Variants in HIVEP1 observed in about 807,000 individuals in gnomAD.
HIVEP1 encodes HIVEP zinc finger 1, also known as zinc finger protein 40.
HIVEP1 carries 36 observed loss-of-function variants against 180.0 expected under a neutral mutation model. The observed-to-expected ratio is 0.20, with a 90% CI of 0.15 to 0.26. The LOEUF (loss-of-function observed/expected upper bound fraction) is 0.26, where lower values mean the gene tolerates loss of function less well. Among genes scored for constraint, HIVEP1 ranks in the 10% least tolerant of loss-of-function variants. The probability of loss-of-function intolerance (pLI) is 1.00; values close to 1 mark genes in which losing one functional copy is unlikely to be tolerated. For missense variants in HIVEP1, 3,143 were observed against 3,268.7 expected (o/e 0.96, Z 0.94); for synonymous variants, 1,239 against 1,239.0 (o/e 1.00, Z 0.00).
chr6:12,021,406 C>T (rs1190511793), intron 2 of HIVEP1, among the ~76,000 whole-genome samples: 2 of 152,162 alleles, frequency 1.3e-5, no homozygotes, highest in East Asian at 1.9e-4. Flanking sequence ...CTACTGTTTT[C>T]TTACTCTGTA....
rs748751371 is a variant in HIVEP1, at chr6:12,124,161, C to T, written c.4366C>T (p.Leu1456Phe). Residue 1456 changes from leucine (L) to phenylalanine (F), a missense_variant, in exon 4 of 9, where the codon CTT becomes TTT. Transcript: ENST00000379388. ...VHPTSFQNTALPSVNAVPYQG... is the reference protein window; with the variant it reads ...VHPTSFQNTAFPSVNAVPYQG... ...CCCAACATCTTTCCAAAATACTGCT[C>T]TTCCCAGTGTGAATGCAGTGCCATA... is the stretch of plus-strand genomic sequence containing the variant. 1.1e-5 allele frequency: 17 copies of T among 1,613,962 alleles called. No homozygotes were observed. The East Asian group carries it at 2.5e-4, about 23-fold the overall frequency.
intron 3 of HIVEP1, among the ~76,000 whole-genome samples, chr6:12,112,583 A>T (rs1362527755): frequency 1.3e-5 from 2 of 151,846 alleles, no homozygotes; most frequent in African/African-American, 4.8e-5. Flanking sequence ...CCTTGTGCTT[A>T]TGGCGGGGAC....
In HIVEP1 at chr6:12,163,526, C is replaced by T. The variant is rs761223011; in HGVS notation, c.7222C>T (p.Pro2408Ser). The change falls in exon 9 of 9, where the codon CCT becomes TCT. Residue 2408 changes from proline to serine, a missense_variant. Coordinates refer to ENST00000379388, the MANE Select transcript of HIVEP1 (RefSeq NM_002114.4). ...MVPVGGIHVVPAGLTYSTFVP... is the reference protein window; with the variant it reads ...MVPVGGIHVVSAGLTYSTFVP... ...TCCAGTTGGGGGGATCCATGTGGTA[C>T]CTGCTGGCCTCACATACTCCACGTT... The T allele has an allele frequency of 1.2e-6, 2 of 1,614,186 alleles. No individual in the cohort carries two copies. The highest frequency in any genetic ancestry group is 1.7e-6 in the Non-Finnish European group (2 of 1,180,026).
intron 2 of HIVEP1, among the ~76,000 whole-genome samples, chr6:12,022,403 C>T (rs984735513): frequency 7.9e-5 from 12 of 152,258 alleles, no homozygotes; most frequent in African/African-American, 2.9e-4. Flanking sequence ...AACTCCTGAC[C>T]TCGTGATCCA....
chr6:12,050,463 G>A (rs1770428183), intron 2 of HIVEP1, among the ~76,000 whole-genome samples: 1 of 151,936 alleles, frequency 6.6e-6, no homozygotes, highest in Non-Finnish European at 1.5e-5. Flanking sequence ...GCAGGCACCT[G>A]TAGTCCCAGT....
chr6:12,159,972 T>TA, intron 7 of HIVEP1, among the ~76,000 whole-genome samples: 1 of 152,334 alleles, frequency 6.6e-6, no homozygotes, highest in South Asian at 2.1e-4. Context: ...AAAGAAAAAG[T>TA]AAAAAATTAA....
At chr6:12,179,907 A>G in the HIVEP1 span, among the ~76,000 whole-genome samples, 1 of 152,126 alleles carries the variant, frequency 6.6e-6, no homozygotes, top group East Asian at 1.9e-4. Flanking sequence ...GTTAATATAA[A>G]ACAAAAATTA....
intron 1 of HIVEP1, 143 bp downstream of exon 1, chr6:12,012,709 C>T (rs1309757236): frequency 6.6e-6 from 1 of 151,980 alleles, no homozygotes; most frequent in Non-Finnish European, 1.5e-5. Context: ...TGTGTGCAAC[C>T]GCCGACCTTG....
At position 12,122,725 on chromosome 6, in the gene HIVEP1, A is replaced by C. The variant is rs1485211951; in HGVS notation, c.2930A>C (p.His977Pro). ...RYRKLENFENHKKFYCSELHG... is the reference protein window; with the variant it reads ...RYRKLENFENPKKFYCSELHG... ...AGGAAACTGGAAAATTTTGAAAATC[A>C]TAAGAAATTTTACTGTTCTGAGTTA... is the stretch of plus-strand genomic sequence containing the variant. The change falls in exon 4 of 9, where the codon CAT (histidine) becomes CCT (proline). Residue 977 changes from histidine (H) to proline (P), a missense_variant. Coordinates refer to ENST00000379388, the MANE Select transcript of HIVEP1 (RefSeq NM_002114.4). 6.2e-7 allele frequency: 1 copy of C among 1,613,736 alleles called. No individual in the cohort carries two copies. The highest frequency in any genetic ancestry group is 8.5e-7 in the Non-Finnish European group (1 of 1,179,936).
intron 3 of HIVEP1, among the ~76,000 whole-genome samples, chr6:12,105,546 C>CT (rs370173986): frequency 1.3e-5 from 2 of 152,228 alleles, no homozygotes; most frequent in African/African-American, 4.8e-5. Flanking sequence ...ATCTGTTGTC[C>CT]TGAGAGGAGG....
rs576595708 is a variant in HIVEP1, at chr6:12,055,213, G to A, written c.41-33971G>A. Among the ~76,000 whole-genome samples, 23 of 152,304 alleles carry A rather than the reference G, an allele frequency of 1.5e-4. No homozygotes were observed. In the South Asian group the frequency reaches 2.5e-3, roughly 16 times the overall value. On this transcript the variant is annotated intron_variant, in intron 2 of 8. Transcript: ENST00000379388. ...AAAATCATGATTTTCAGTGGCTCACGCCTGTAATCCCATCACTTTGGGAGG... is the reference window on the plus strand; with the variant it reads ...AAAATCATGATTTTCAGTGGCTCACACCTGTAATCCCATCACTTTGGGAGG...
At chr6:12,073,193 C>T (rs186280241) in intron 2 of HIVEP1, among the ~76,000 whole-genome samples, 6 of 152,290 alleles carry the variant, frequency 3.9e-5, no homozygotes, top group African/African-American at 1.4e-4. Context: ...TCTGAAGTTT[C>T]AGTGGAAATA....
In HIVEP1 at chr6:12,129,834, G is replaced by A; in HGVS notation, c.6151G>A (p.Asp2051Asn). The change falls in exon 5 of 9, where the codon GAT becomes AAT. Residue 2051 changes from aspartate to asparagine, a missense_variant. Physicochemically the swap from Asp to Asn is conservative, Grantham distance 23. This residue lies in a region of HIVEP1 where 1,357 missense variants were observed against 1,260.5 expected (regional missense o/e 1.08). Transcript: ENST00000379388. ...TGCCTCTGAAATTAACAGTGAGCAA[G>A]ATAAAGAAAATTCCTTAATCAAAAG... ...KDASEINSEQ[D>N]KENSLIKSEP... 1 of 1,586,294 alleles carries A rather than the reference G, an allele frequency of 6.3e-7. No individual in the cohort carries two copies. The highest frequency in any genetic ancestry group is 8.7e-7 in the Non-Finnish European group (1 of 1,155,356).
chr6:12,189,959 C>T, the HIVEP1 span, among the ~76,000 whole-genome samples: 1 of 152,162 alleles, frequency 6.6e-6, no homozygotes, highest in Admixed American at 6.5e-5. Context: ...AGGCTACTTA[C>T]ATTGTATTGT....
Position 12,113,471 on chromosome 6 carries a change from TAGAGGGAGGTTGG to T in HIVEP1, c.95-6414_95-6402del, listed in dbSNP as rs988197830. ...GCGGAGTGAGTCAGGGGAAATGGTGTAGAGGGAGGTTGGAGAGTTGTGAGTCAGATGTCCCTGC... is the reference window on the plus strand; with the variant it reads ...GCGGAGTGAGTCAGGGGAAATGGTGTAGAGTTGTGAGTCAGATGTCCCTGC... On this transcript the variant is annotated intron_variant, in intron 3 of 8. Coordinates refer to ENST00000379388, the MANE Select transcript of HIVEP1 (RefSeq NM_002114.4). Among the ~76,000 whole-genome samples, 4 of 151,864 alleles carry T rather than the reference TAGAGGGAGGTTGG, an allele frequency of 2.6e-5. No individual in the cohort carries two copies. In the South Asian group the frequency reaches 6.3e-4, roughly 24 times the overall value.
chr6:12,077,621 G>C (rs1772455324), intron 2 of HIVEP1, among the ~76,000 whole-genome samples: 1 of 152,220 alleles, frequency 6.6e-6, no homozygotes, highest in South Asian at 2.1e-4. Flanking sequence ...GATAAGTCCG[G>C]TGTCTGGGGC....
chr6:12,031,763 G>A (rs1319348875), intron 2 of HIVEP1, among the ~76,000 whole-genome samples: 5 of 152,180 alleles, frequency 3.3e-5, no homozygotes, highest in Non-Finnish European at 7.3e-5. Flanking sequence ...CCAGAGCGCT[G>A]ACAGTGGTGG....
upstream of HIVEP1, among the ~76,000 whole-genome samples, chr6:12,011,476 G>A (rs1048685796): frequency 6.7e-6 from 1 of 150,160 alleles, no homozygotes; most frequent in Non-Finnish European, 1.5e-5. Context: ...CCGGGGCCGC[G>A]TGACTGGCCG....
intron 7 of HIVEP1, among the ~76,000 whole-genome samples, chr6:12,137,905 C>A (rs1161027738): frequency 6.6e-6 from 1 of 152,160 alleles, no homozygotes; most frequent in Non-Finnish European, 1.5e-5. Context: ...TGTGTGTACT[C>A]ATGTATTAAC....
Sources: gnomAD v4.1 joint callset for allele counts (sites outside exome capture counted in the v4.1 genomes callset) on GRCh38, gnomAD v4.1.1 for gene constraint, gnomAD v4.1.1 regional missense constraint, MANE v1.5 for transcripts, NCBI Gene and HGNC (gene_info 2026-07-23, HGNC 2026-07-21) for gene names.